DSN1: variants seen among roughly 807,000 people sequenced by gnomAD.
The protein encoded by DSN1 is DSN1 component of MIS12 kinetochore complex.
A neutral mutation model predicts 45.7 loss-of-function variants in DSN1; 31 were observed. The ratio of observed to expected loss-of-function variants is 0.68; its 90% CI spans 0.51 to 0.92. The LOEUF is 0.92. DSN1 is among the 40% of genes least tolerant of loss of function. DSN1 has a pLI of 0.00. For missense variants in DSN1, 394 were observed against 414.2 expected, an observed-to-expected ratio of 0.95 and a Z score of 0.42; for synonymous variants, 134 against 142.3, an observed-to-expected ratio of 0.94 and a Z score of 0.41.
rs1473838419 is a variant in DSN1, at chr20:36,755,932, CGCTA to C, written c.726-107_726-104del. 1.1e-5 allele frequency: 14 copies of C among 1,330,314 alleles called. No homozygotes were observed. The African/African-American group carries it at 2.1e-4, about 20-fold the overall frequency. 82.4% of individuals were successfully genotyped at this position (1,330,314 alleles called of 1,614,324 possible). A position where few individuals can be genotyped will look rare whatever the true frequency, so the allele number is the denominator to read the frequency against. ...GCTGAATCAGTATTCCTCCACTCTA[CGCTA>C]GCTATAGGCTCACTTCTTAACAGAA... On this transcript the variant is annotated intron_variant, in intron 8 of 10. Coordinates refer to ENST00000373750, the MANE Select transcript of DSN1 (RefSeq NM_001145315.2).
intron 10 of DSN1, among the ~76,000 whole-genome samples, chr20:36,754,498 A>G (rs967306670): frequency 6.6e-6 from 1 of 152,166 alleles, no homozygotes; most frequent in Non-Finnish European, 1.5e-5. Context: ...ATGGGTGGGT[A>G]TTTCTTAAGT....
chr20:36,756,058 G>A (rs547050166), intron 8 of DSN1, among the ~76,000 whole-genome samples: 5 of 152,030 alleles, frequency 3.3e-5, no homozygotes, highest in African/African-American at 7.2e-5. Flanking sequence ...TCGGCTCACT[G>A]CAACCTCTGC....
chr20:36,755,122 C>T (rs1287667665), intron 9 of DSN1, among the ~76,000 whole-genome samples: 1 of 152,154 alleles, frequency 6.6e-6, no homozygotes, highest in Admixed American at 6.6e-5. Context: ...TGGCTCAACT[C>T]AGCTAACCAT....
chr20:36,755,641 A>C, intron 9 of DSN1, 41 bp downstream of exon 9: 1 of 1,593,410 alleles, frequency 6.3e-7, no homozygotes, highest in Non-Finnish European at 8.5e-7. Flanking sequence ...ACAAGGTGGC[A>C]AAGCTGGATA....
chr20:36,758,586 C>T lies in DSN1; in HGVS notation c.622G>A (p.Val208Met), dbSNP rs1568690232. 2.5e-6 allele frequency: 4 copies of T among 1,611,612 alleles called. No individual in the cohort carries two copies. The highest frequency in any genetic ancestry group is 2.5e-6 in the Non-Finnish European group (3 of 1,179,530). Residue 208 changes from valine (V) to methionine (M), a missense_variant, in exon 7 of 11, where the codon GTG becomes ATG. By Grantham distance (21) the Val-to-Met change is conservative. Transcript: ENST00000373750. ...KASDFSLEAS[V>M]AEMKEYITKF... is the part of the protein sequence containing the mutation. Reference sequence around the variant, plus strand: ...GTTATGTATTCCTTCATCTCAGCCACAGATGCTTCCAAAGAAAAATCTGAT... The same window carrying T: ...GTTATGTATTCCTTCATCTCAGCCATAGATGCTTCCAAAGAAAAATCTGAT...
intron 3 of DSN1, among the ~76,000 whole-genome samples, chr20:36,770,173 T>G (rs571132135): frequency 5.3e-5 from 8 of 152,254 alleles, no homozygotes; most frequent in African/African-American, 1.7e-4. Flanking sequence ...CAAGTGATCC[T>G]CTTGCCTCAG....
chr20:36,763,410 G>GA (rs71186016), intron 5 of DSN1, among the ~76,000 whole-genome samples: 12,125 of 83,970 alleles, frequency 0.14, 1,565 homozygotes, highest in South Asian at 0.28. Context: ...CTCAAAAAAA[G>GA]AAAAAAAAAA....
chr20:36,764,084 G>A (rs918388026), intron 5 of DSN1, among the ~76,000 whole-genome samples: 1 of 151,934 alleles, frequency 6.6e-6, no homozygotes, highest in Non-Finnish European at 1.5e-5. Flanking sequence ...AGCTGGGTGT[G>A]GTGGCACATG....
At chr20:36,759,645 G>A (rs946533454) in intron 6 of DSN1, among the ~76,000 whole-genome samples, 1 of 150,832 alleles carries the variant, frequency 6.6e-6, no homozygotes, top group Non-Finnish European at 1.5e-5. Flanking sequence ...CACCACACCC[G>A]GCTGATTTTT....
At chr20:36,759,768 C>T (rs747571670) in intron 6 of DSN1, among the ~76,000 whole-genome samples, 2 of 152,086 alleles carry the variant, frequency 1.3e-5, no homozygotes, top group African/African-American at 4.8e-5. Flanking sequence ...CAAGCATGAG[C>T]CACTGTGCCG....
intron 5 of DSN1, among the ~76,000 whole-genome samples, chr20:36,763,660 G>A (rs912508410): frequency 4.0e-5 from 6 of 150,616 alleles, no homozygotes; most frequent in East Asian, 2.0e-4. Flanking sequence ...AGGCCAAGGC[G>A]GGCAGATCAC....
At chr20:36,762,100 CT>C (rs1235328830) in intron 6 of DSN1, among the ~76,000 whole-genome samples, 3,577 of 121,524 alleles carry the variant, frequency 0.029, 55 homozygotes, top group African/African-American at 0.11. Flanking sequence ...AGTCCTAATT[CT>C]TTTTTTTTTT....
intron 4 of DSN1, among the ~76,000 whole-genome samples, chr20:36,767,261 T>G (rs975081213): frequency 6.6e-6 from 1 of 151,318 alleles, no homozygotes; most frequent in Non-Finnish European, 1.5e-5. Context: ...GAGCCGAGAT[T>G]GTGCCACTGC....
At chr20:36,764,073 T>C (rs2148274227) in intron 5 of DSN1, among the ~76,000 whole-genome samples, 1 of 151,946 alleles carries the variant, frequency 6.6e-6, no homozygotes, top group East Asian at 1.9e-4. Context: ...TTTAGAAAGT[T>C]AGCTGGGTGT....
At chr20:36,769,936 C>G (rs1987547879) in intron 3 of DSN1, among the ~76,000 whole-genome samples, 1 of 125,170 alleles carries the variant, frequency 8.0e-6, no homozygotes, top group Non-Finnish European at 1.7e-5. Context: ...CACACACACA[C>G]ACACAGAGAG....
chr20:36,763,272 G>A (rs989856066), intron 5 of DSN1, among the ~76,000 whole-genome samples: 5 of 151,872 alleles, frequency 3.3e-5, no homozygotes, highest in African/African-American at 1.2e-4. Flanking sequence ...GGGCGTGGTG[G>A]TACACGCCTG....
chr20:36,754,325 CG>C (rs1568686930), intron 10 of DSN1, among the ~76,000 whole-genome samples: 1 of 151,568 alleles, frequency 6.6e-6, no homozygotes. Flanking sequence ...GATGACAAAG[CG>C]AGAGACTTTG....
At chr20:36,758,201 A>G (rs1478860947) in intron 7 of DSN1, 40 bp from the exon 8 acceptor site, 5 of 1,557,832 alleles carry the variant, frequency 3.2e-6, no homozygotes, top group Non-Finnish European at 4.4e-6. Context: ...AATTTTTATA[A>G]TCTTATTCTG....
At chr20:36,766,526 G>A (rs1987347847) in intron 5 of DSN1, among the ~76,000 whole-genome samples, 1 of 152,078 alleles carries the variant, frequency 6.6e-6, no homozygotes, top group South Asian at 2.1e-4. Context: ...AATTAGCCAG[G>A]TGTGGTGGCT....
Sources: gnomAD v4.1 joint callset for allele counts (sites outside exome capture counted in the v4.1 genomes callset) on GRCh38, gnomAD v4.1.1 for gene constraint, MANE v1.5 for transcripts, NCBI Gene and HGNC (gene_info 2026-07-23, HGNC 2026-07-21) for gene names.